Variants in CDK8 observed in about 807,000 individuals in gnomAD.
The protein encoded by CDK8 is cyclin dependent kinase 8.
In CDK8, 29 loss-of-function variants were observed where a neutral mutation model predicts 71.5. The observed-to-expected ratio is 0.41, with a 90% CI of 0.30 to 0.55. CDK8 has a LOEUF of 0.55. Among genes scored for constraint, CDK8 ranks in the 20% least tolerant of loss-of-function variants. The probability of loss-of-function intolerance (pLI) is 0.37; values close to 1 mark genes in which losing one functional copy is unlikely to be tolerated. For missense variants in CDK8, 288 were observed against 572.6 expected, an observed-to-expected ratio of 0.50 and a Z score of 5.07; for synonymous variants, 161 against 192.1, an observed-to-expected ratio of 0.84 and a Z score of 1.34.
At chr13:26,346,199 T>G (rs1381265994) in intron 2 of CDK8, among the ~76,000 whole-genome samples, 3 of 152,174 alleles carry the variant, frequency 2.0e-5, no homozygotes, top group Admixed American at 6.5e-5. Flanking sequence ...AAAATAGGGG[T>G]TATATAAATA....
chr13:26,370,465 GT>G (rs1874613121), intron 4 of CDK8, among the ~76,000 whole-genome samples: 1 of 152,106 alleles, frequency 6.6e-6, no homozygotes, highest in Non-Finnish European at 1.5e-5. Context: ...TTCATTTCTG[GT>G]TGAAATTCTT....
intron 1 of CDK8, among the ~76,000 whole-genome samples, chr13:26,259,542 C>T (rs951576137): frequency 2.0e-5 from 3 of 152,104 alleles, no homozygotes; most frequent in African/African-American, 7.2e-5. Context: ...GGTCCTGGAA[C>T]GCACCCCTTG....
rs776727772 is a variant in CDK8, at chr13:26,404,073, C to T, written c.1387C>T (p.Arg463Trp). 5.0e-6 allele frequency: 8 copies of T among 1,613,882 alleles called. No individual in the cohort carries two copies. The highest frequency in any genetic ancestry group is 1.1e-5 in the South Asian group (1 of 91,064). Residue 463 changes from arginine to tryptophan, a missense_variant, in exon 13 of 13, where the codon CGG becomes TGG. Around this residue, in one of 6 missense-constraint regions of CDK8, gnomAD observed 76 missense variants for 99.7 expected, o/e 0.76. Coordinates refer to ENST00000381527, the MANE Select transcript of CDK8 (RefSeq NM_001260.3). ...QPPQYSHQTH[R>W]Y ...TCCACAGTACTCACATCAGACACAT[C>T]GGTACTGAGCTGCATCGGAATCTTG...
At chr13:26,257,228 C>T (rs1051033550) in intron 1 of CDK8, among the ~76,000 whole-genome samples, 2 of 152,092 alleles carry the variant, frequency 1.3e-5, no homozygotes, top group African/African-American at 2.4e-5. Flanking sequence ...AAGGAAGTAA[C>T]GCAAATAAGC....
rs73491196 is a variant in CDK8, at chr13:26,376,523, A to G, written c.457-6291A>G. On this transcript the variant is annotated intron_variant, in intron 4 of 12. Transcript: ENST00000381527. Reference sequence around the variant, plus strand: ...TGTGTACACATTCTTTATTAGAAGTAAGTTGTATCTGTGCCCAGCAATTGA... The same window carrying G: ...TGTGTACACATTCTTTATTAGAAGTGAGTTGTATCTGTGCCCAGCAATTGA... 9.5e-3 allele frequency among the ~76,000 whole-genome samples: 1,449 copies of G among 152,302 alleles called. 23 individuals carry two copies. Among genetic ancestry groups the G allele is most frequent in the African/African-American group, 0.033 (1,361 of 41,570 alleles).
chr13:26,381,885 C>T (rs1406457219), intron 4 of CDK8, among the ~76,000 whole-genome samples: 2 of 152,108 alleles, frequency 1.3e-5, no homozygotes, highest in Admixed American at 6.5e-5. Context: ...ATGGTTACCA[C>T]TATAAACAGG....
intron 1 of CDK8, among the ~76,000 whole-genome samples, chr13:26,318,733 A>G (rs974969298): frequency 4.6e-5 from 7 of 152,258 alleles, no homozygotes; most frequent in Non-Finnish European, 1.0e-4. Context: ...ATTGACGCAG[A>G]AAAAATCCTG....
chr13:26,332,017 G>T (rs565669200), intron 1 of CDK8, among the ~76,000 whole-genome samples: 1 of 152,172 alleles, frequency 6.6e-6, no homozygotes, highest in African/African-American at 2.4e-5. Context: ...TTCTCGTAGA[G>T]ATTTCCATCT....
chr13:26,272,805 G>T (rs1872392732), intron 1 of CDK8, among the ~76,000 whole-genome samples: 1 of 152,212 alleles, frequency 6.6e-6, no homozygotes, highest in Non-Finnish European at 1.5e-5. Flanking sequence ...AATGGCTACA[G>T]TGTCACTAGG....
rs150972090 is a variant in CDK8 at position 26,324,339 on chromosome 13, G to A, written c.129-13228G>A. ...AATATTTACAGTTAGTATTGTTGAC[G>A]GGGTAGAAAGTAGCTTTGATTTGGT... On this transcript the variant is annotated intron_variant, in intron 1 of 12. Coordinates refer to ENST00000381527, the MANE Select transcript of CDK8 (RefSeq NM_001260.3). Among the ~76,000 whole-genome samples the A allele has an allele frequency of 9.4e-4, 143 of 152,126 alleles. 1 individual carries two copies. Among genetic ancestry groups the A allele is most frequent in the African/African-American group, 3.2e-3 (134 of 41,512 alleles).
At chr13:26,361,223 A>G (rs1196131592) in intron 4 of CDK8, among the ~76,000 whole-genome samples, 1 of 152,220 alleles carries the variant, frequency 6.6e-6, no homozygotes, top group Non-Finnish European at 1.5e-5. Flanking sequence ...TGCAAATAAG[A>G]TGGCAATGCC....
chr13:26,401,647 T>G lies in CDK8; in HGVS notation c.1269+23T>G, dbSNP rs1876265595. 1 of 1,611,580 alleles carries G rather than the reference T, an allele frequency of 6.2e-7. No homozygotes were observed. Among genetic ancestry groups the G allele is most frequent in the South Asian group, 1.1e-5 (1 of 91,040 alleles). On this transcript the variant is annotated intron_variant, in intron 12 of 12. Coordinates refer to ENST00000381527, the MANE Select transcript of CDK8 (RefSeq NM_001260.3). This position sits in a 1 kb window ranked among gnomAD's most constrained non-coding sequence, Gnocchi z 4.5. ...CAGGTATTCCAAGTTTATTTTGTATTGACTGCATGTCAGTGTTTACATATG... is the reference window on the plus strand; with the variant it reads ...CAGGTATTCCAAGTTTATTTTGTATGGACTGCATGTCAGTGTTTACATATG...
At chr13:26,307,695 A>G (rs747041172) in intron 1 of CDK8, among the ~76,000 whole-genome samples, 2 of 152,074 alleles carry the variant, frequency 1.3e-5, no homozygotes, top group Non-Finnish European at 2.9e-5. Flanking sequence ...CACCCTAGAA[A>G]TAACCAACAT....
At chr13:26,327,995 C>A (rs873342) in intron 1 of CDK8, among the ~76,000 whole-genome samples, 123,954 of 149,200 alleles carry the variant, frequency 0.83, 53,065 homozygotes, top group East Asian at 0.99. Context: ...TGCTTTCTTT[C>A]CCTAGTTGGA....
At chr13:26,350,017 G>A (rs1042573676) in intron 3 of CDK8, among the ~76,000 whole-genome samples, 2 of 152,088 alleles carry the variant, frequency 1.3e-5, no homozygotes, top group African/African-American at 4.8e-5. Context: ...TCCTTATTCA[G>A]TACAGTAACA....
At position 26,400,581 on chromosome 13, in the gene CDK8, A is replaced by G. The variant is rs200737833; in HGVS notation, c.1031+31A>G. ...TGGCCTAGTTGGTTAACTCATCAGCATGATGGAAGTTTTGGAGTATGCTTT... is the reference window on the plus strand; with the variant it reads ...TGGCCTAGTTGGTTAACTCATCAGCGTGATGGAAGTTTTGGAGTATGCTTT... On this transcript the variant is annotated intron_variant, in intron 10 of 12. Transcript: ENST00000381527. 4.6e-6 allele frequency: 6 copies of G among 1,306,000 alleles called. No homozygotes were observed. The African/African-American group carries it at 7.2e-5, about 16-fold the overall frequency. The allele number at this position is 1,306,000 out of a possible 1,614,324, so 80.9% of individuals were successfully genotyped here. A position where few individuals can be genotyped will look rare whatever the true frequency, so the allele number is the denominator to read the frequency against.
chr13:26,255,845 A>G (rs1198778441), intron 1 of CDK8, among the ~76,000 whole-genome samples: 5 of 152,214 alleles, frequency 3.3e-5, no homozygotes, highest in African/African-American at 1.2e-4. Context: ...CCAATTAGGT[A>G]GGAGAGTATG....
At chr13:26,304,415 C>T (rs811573) in intron 1 of CDK8, among the ~76,000 whole-genome samples, 126,293 of 152,158 alleles carry the variant, frequency 0.83, 54,071 homozygotes, top group East Asian at 0.99. Context: ...ATCTCTCCAG[C>T]TTTATGTTTT....
intron 1 of CDK8, among the ~76,000 whole-genome samples, chr13:26,319,903 A>G (rs1160315210): frequency 2.0e-5 from 3 of 152,204 alleles, no homozygotes; most frequent in Non-Finnish European, 4.4e-5. Context: ...TAGAGAGCCT[A>G]GAAATGAACT....
Sources: allele counts gnomAD v4.1 joint callset (sites outside exome capture counted in the v4.1 genomes callset), GRCh38; gene constraint gnomAD v4.1.1; regional missense constraint gnomAD v4.1.1; non-coding constraint Gnocchi (gnomAD v3.1); transcripts MANE v1.5; gene names NCBI Gene and HGNC (gene_info 2026-07-23, HGNC 2026-07-21).